Variants in PTPRZ1 observed in about 807,000 individuals in gnomAD.
PTPRZ1 encodes receptor-type tyrosine-protein phosphatase zeta.
PTPRZ1 carries 82 observed loss-of-function variants against 214.1 expected under a neutral mutation model. The ratio of observed to expected loss-of-function variants is 0.38; its 90% CI spans 0.32 to 0.46. The LOEUF (loss-of-function observed/expected upper bound fraction) is 0.46, where lower values mean the gene tolerates loss of function less well. Ranked by LOEUF, PTPRZ1 falls within the 20% of genes least tolerant of loss-of-function variation. The pLI is 1.00. For missense variants in PTPRZ1, 2,603 were observed against 2,748.7 expected (o/e 0.95, Z 1.19); for synonymous variants, 945 against 987.9 (o/e 0.96, Z 0.81).
chr7:122,019,274 T>C lies in PTPRZ1; in HGVS notation c.4988+6T>C, dbSNP rs759804263. 1.2e-6 allele frequency: 2 copies of C among 1,607,646 alleles called. No homozygotes were observed. The highest frequency in any genetic ancestry group is 2.2e-5 in the East Asian group (1 of 44,684). ...GGTATTCTCATCTACTGGAGGTAAG[T>C]TGAGTATTTGTTTTGGAAAATTTAA... is the stretch of plus-strand genomic sequence containing the variant. On this transcript the variant is annotated splice_donor_region_variant and intron_variant, in intron 13 of 29. Coordinates refer to ENST00000393386, the MANE Select transcript of PTPRZ1 (RefSeq NM_002851.3).
intron 1 of PTPRZ1, among the ~76,000 whole-genome samples, chr7:121,904,181 A>G (rs962665343): frequency 6.6e-5 from 10 of 152,312 alleles, no homozygotes; most frequent in African/African-American, 1.9e-4. Flanking sequence ...TGTGCTTAGC[A>G]AGAGTGCATG....
intron 2 of PTPRZ1, among the ~76,000 whole-genome samples, chr7:121,945,676 C>A (rs904593396): frequency 6.6e-6 from 1 of 152,082 alleles, no homozygotes; most frequent in Non-Finnish European, 1.5e-5. Flanking sequence ...TATTTGCAAC[C>A]AGTCATACCT....
chr7:121,933,336 A>G (rs1795979408), intron 2 of PTPRZ1, among the ~76,000 whole-genome samples: 1 of 152,130 alleles, frequency 6.6e-6, no homozygotes, highest in African/African-American at 2.4e-5. Flanking sequence ...TATTCTTAGA[A>G]GTAGTACGAC....
chr7:121,902,692 T>G (rs1325192241), intron 1 of PTPRZ1, among the ~76,000 whole-genome samples: 1 of 152,148 alleles, frequency 6.6e-6, no homozygotes, highest in Non-Finnish European at 1.5e-5. Flanking sequence ...GATCTTTGTC[T>G]GTTTTTTAAT....
chr7:121,937,149 C>T (rs1223813941), intron 2 of PTPRZ1, among the ~76,000 whole-genome samples: 2 of 152,198 alleles, frequency 1.3e-5, no homozygotes, highest in Non-Finnish European at 2.9e-5. Context: ...ATTCATTCTT[C>T]AATTGCATAA....
At chr7:121,996,669 G>C in intron 9 of PTPRZ1, 103 bp downstream of exon 9, 1 of 953,534 alleles carries the variant, frequency 1.0e-6, no homozygotes, top group East Asian at 2.8e-5. Flanking sequence ...ATTACTTTTA[G>C]ACTTTATGTG....
intron 23 of PTPRZ1, among the ~76,000 whole-genome samples, chr7:122,050,024 T>C (rs1175310438): frequency 6.6e-6 from 1 of 151,952 alleles, no homozygotes; most frequent in African/African-American, 2.4e-5. Flanking sequence ...ATTGGGAAAA[T>C]TTTCATGTCA....
intron 20 of PTPRZ1, 32 bp from the exon 21 acceptor site, chr7:122,040,762 GTGTGTGTGTGTGTGTGTGTGTT>G: frequency 1.1e-6 from 1 of 942,810 alleles, no homozygotes; most frequent in Non-Finnish European, 1.5e-6. Context: ...GTGTGTGTGT[GTGTGTGTGTGTGTGTGTGTGTT>G]TGACTGTTAT....
chr7:121,908,835 C>A, intron 1 of PTPRZ1: 1 of 487,878 alleles, frequency 2.0e-6, no homozygotes, highest in Non-Finnish European at 4.0e-6. Flanking sequence ...ATGGGAAAGT[C>A]CAAATATAGT....
intron 13 of PTPRZ1, among the ~76,000 whole-genome samples, chr7:122,025,809 TG>T (rs1448426485): frequency 1.3e-5 from 2 of 152,186 alleles, no homozygotes; most frequent in African/African-American, 4.8e-5. Flanking sequence ...TGAGATATTT[TG>T]GTTAGAAGTA....
intron 3 of PTPRZ1, among the ~76,000 whole-genome samples, chr7:121,971,562 A>G (rs538356598): frequency 7.2e-5 from 11 of 152,306 alleles, no homozygotes; most frequent in African/African-American, 2.6e-4. Context: ...TGAGCAACCT[A>G]CTTAGCCTTT....
At chr7:122,032,294 C>T (rs1178336716) in intron 15 of PTPRZ1, among the ~76,000 whole-genome samples, 1 of 152,196 alleles carries the variant, frequency 6.6e-6, no homozygotes, top group Non-Finnish European at 1.5e-5. Flanking sequence ...TCAACTTTCA[C>T]CCATCTCTGG....
chr7:122,042,881 A>G (rs1429427880), intron 22 of PTPRZ1, 138 bp downstream of exon 22: 3 of 897,042 alleles, frequency 3.3e-6, no homozygotes, highest in Non-Finnish European at 5.1e-6. Flanking sequence ...TTATTGTCTC[A>G]TAGTTCTGAT....
rs759670907 is a variant in PTPRZ1, at chr7:122,034,382, A to T, written c.5284+4A>T. 15 of 1,610,964 alleles carry T rather than the reference A, an allele frequency of 9.3e-6. No homozygotes were observed. Among genetic ancestry groups the T allele is most frequent in the Non-Finnish European group, 1.3e-5 (15 of 1,178,184 alleles). ...CGATACATAAATATCGTTGCCTGTA[A>T]GTATATTCTTAAATCAGCTCTGACT... On this transcript the variant is annotated splice_donor_region_variant and intron_variant, in intron 17 of 29. Coordinates refer to ENST00000393386, the MANE Select transcript of PTPRZ1 (RefSeq NM_002851.3).
chr7:121,947,608 T>A (rs2116444813), intron 2 of PTPRZ1, among the ~76,000 whole-genome samples: 1 of 152,286 alleles, frequency 6.6e-6, no homozygotes, highest in East Asian at 1.9e-4. Flanking sequence ...TATAAAACAA[T>A]ACAAAAGTCT....
At chr7:121,899,565 T>A (rs1294434509) in intron 1 of PTPRZ1, among the ~76,000 whole-genome samples, 1 of 152,182 alleles carries the variant, frequency 6.6e-6, no homozygotes, top group African/African-American at 2.4e-5. Flanking sequence ...TCAGGCTATC[T>A]CTCTCCTGAG....
rs114329536 is a variant in PTPRZ1, at chr7:122,039,858, T to C, written c.5637+270T>C. Among the ~76,000 whole-genome samples the C allele has an allele frequency of 2.4e-3, 363 of 151,848 alleles. 2 individuals carry two copies. Among genetic ancestry groups the C allele is most frequent in the African/African-American group, 8.3e-3 (343 of 41,396 alleles). On this transcript the variant is annotated intron_variant, in intron 20 of 29. Transcript: ENST00000393386. ...ACTAAAAATGCAAAAATTTGCTGAG[T>C]GTGGTGGTGCACACTTGGGAGGCTG...
chr7:121,944,153 C>G (rs1419033115), intron 2 of PTPRZ1, among the ~76,000 whole-genome samples: 1 of 152,102 alleles, frequency 6.6e-6, no homozygotes, highest in Non-Finnish European at 1.5e-5. Context: ...TAGGGAAATT[C>G]CTGGCCTAGG....
In PTPRZ1 at chr7:122,042,634, A is replaced by G. The variant is rs375974107; in HGVS notation, c.5828A>G (p.Tyr1943Cys). The G allele has an allele frequency of 3.0e-5, 48 of 1,609,602 alleles. No homozygotes were observed. The highest frequency in any genetic ancestry group is 4.1e-5 in the Non-Finnish European group (48 of 1,177,044). Reference sequence around the variant, plus strand: ...GCTGGAGTTGGAAGAACAGGCACATATATTGTGCTAGACAGTATGTTGCAG... The same window carrying G: ...GCTGGAGTTGGAAGAACAGGCACATGTATTGTGCTAGACAGTATGTTGCAG... Reference protein sequence around the residue: ...CSAGVGRTGTYIVLDSMLQQI... With the variant: ...CSAGVGRTGTCIVLDSMLQQI... The change falls in exon 22 of 30, where the codon TAT (tyrosine) becomes TGT (cysteine). Residue 1943 changes from tyrosine (Y) to cysteine (C), a missense_variant. Tyr to Cys is a radical substitution (Grantham distance 194, BLOSUM62 -2). This residue lies in a region of PTPRZ1 where 1,913 missense variants were observed against 1,914.3 expected (regional missense o/e 1.00). Coordinates refer to ENST00000393386, the MANE Select transcript of PTPRZ1 (RefSeq NM_002851.3).
Sources: gnomAD v4.1 joint callset for allele counts (sites outside exome capture counted in the v4.1 genomes callset) on GRCh38, gnomAD v4.1.1 for gene constraint, gnomAD v4.1.1 regional missense constraint, MANE v1.5 for transcripts, NCBI Gene and HGNC (gene_info 2026-07-23, HGNC 2026-07-21) for gene names.